Variants in SLC26A8 observed in about 807,000 individuals in gnomAD.
The protein encoded by SLC26A8 is solute carrier family 26 member 8.
A neutral mutation model predicts 105.0 loss-of-function variants in SLC26A8; 70 were observed. The ratio of observed to expected loss-of-function variants is 0.67; its 90% CI spans 0.55 to 0.81. The LOEUF is 0.81. Among genes scored for constraint, SLC26A8 ranks in the 40% least tolerant of loss-of-function variants. SLC26A8 has a pLI of 0.00. For synonymous variants in SLC26A8, 415 were observed against 438.3 expected (o/e 0.95, Z 0.66); for missense variants, 998 against 1,181.8 (o/e 0.84, Z 2.28).
At chr6:36,007,686 T>G (rs1761728116) in intron 3 of SLC26A8, among the ~76,000 whole-genome samples, 2 of 152,164 alleles carry the variant, frequency 1.3e-5, no homozygotes, top group South Asian at 4.1e-4. Flanking sequence ...TAAAACTCAC[T>G]GTCAAGATAT....
At chr6:36,008,116 T>C (rs910235801) in intron 3 of SLC26A8, among the ~76,000 whole-genome samples, 6 of 109,330 alleles carry the variant, frequency 5.5e-5, no homozygotes, top group Admixed American at 4.3e-4. Flanking sequence ...CGAGACTCCG[T>C]CTCAAAAAAA....
At chr6:35,951,534 T>A (rs759730075) in intron 17 of SLC26A8, 35 bp from the exon 18 acceptor site, 1 of 1,611,752 alleles carries the variant, frequency 6.2e-7, no homozygotes, top group South Asian at 1.1e-5. Context: ...TCAGAAGGCT[T>A]TATACTTGCT....
At chr6:35,954,239 C>G (rs1281585888) in intron 17 of SLC26A8, among the ~76,000 whole-genome samples, 1 of 152,064 alleles carries the variant, frequency 6.6e-6, no homozygotes, top group Admixed American at 6.6e-5. Flanking sequence ...AAGTCAGGAC[C>G]CGGGGACACA....
At chr6:36,015,818 T>C (rs1215713595) in intron 2 of SLC26A8, among the ~76,000 whole-genome samples, 1 of 92,802 alleles carries the variant, frequency 1.1e-5, no homozygotes, top group Non-Finnish European at 2.2e-5. Context: ...GAGGACAGTC[T>C]GGAGCAGGGC....
chr6:35,955,393 G>C lies in SLC26A8; in HGVS notation c.1991C>G (p.Thr664Arg), dbSNP rs764162395. ...QTASEDQVPY[T>R]VSSVSQKNQG... is the part of the protein sequence containing the mutation. The stretch of plus-strand genomic sequence containing the variant: ...ATTTTTCTGAGACACGGACGATACT[G>C]TGTATGGCACTTGGTCTTCGGATGC... The change falls in exon 17 of 20, where the codon ACA (threonine) becomes AGA (arginine). Residue 664 changes from threonine (T) to arginine (R), a missense_variant. Transcript: ENST00000490799. 26 of 1,614,206 alleles carry C rather than the reference G, an allele frequency of 1.6e-5. No individual in the cohort carries two copies. In the South Asian group the frequency reaches 2.7e-4, roughly 17 times the overall value.
At chr6:36,005,838 G>C (rs1425877079) in intron 3 of SLC26A8, among the ~76,000 whole-genome samples, 1 of 152,130 alleles carries the variant, frequency 6.6e-6, no homozygotes, top group Non-Finnish European at 1.5e-5. Context: ...AATTATTACT[G>C]TAGTGTTTTC....
rs769391939 is a variant in SLC26A8, at chr6:36,019,586, CT to C, written c.121del (p.Arg41GlyfsTer9). The C allele has an allele frequency of 6.2e-7, 1 of 1,614,126 alleles. No individual in the cohort carries two copies. Among genetic ancestry groups the C allele is most frequent in the South Asian group, 1.1e-5 (1 of 91,078 alleles). Reference sequence around the variant, plus strand: ...CATGTTCCCAGAAGAGGAGGCCTTCCTTTTGTGTTCCTGTTGAAAGGTCTCC... The same window carrying C: ...CATGTTCCCAGAAGAGGAGGCCTTCCTTTGTGTTCCTGTTGAAAGGTCTCC... ...NEETFQQEHK[R>X]KASSSGNMNI... On this transcript the variant is annotated frameshift_variant, in exon 2 of 20. Coordinates refer to ENST00000490799, the MANE Select transcript of SLC26A8 (RefSeq NM_052961.4). LOFTEE classifies it high-confidence loss of function.
intron 17 of SLC26A8, among the ~76,000 whole-genome samples, chr6:35,952,269 C>T (rs991565101): frequency 6.6e-6 from 1 of 152,140 alleles, no homozygotes; most frequent in Non-Finnish European, 1.5e-5. Context: ...AGATGTGGCT[C>T]AGAGACGCTC....
intron 2 of SLC26A8, 150 bp from the exon 3 acceptor site, chr6:36,012,522 G>T: frequency 1.2e-6 from 1 of 863,774 alleles, no homozygotes; most frequent in Non-Finnish European, 1.7e-6. Context: ...ATAATTCTTT[G>T]TTGTTGGGCT....
chr6:36,004,690 C>T (rs1194957640), intron 3 of SLC26A8, among the ~76,000 whole-genome samples: 3 of 150,706 alleles, frequency 2.0e-5, no homozygotes, highest in African/African-American at 7.4e-5. Flanking sequence ...GACTGTCTTG[C>T]TCTGTCACCC....
chr6:35,951,451 AC>A lies in SLC26A8; in HGVS notation c.2280del (p.Cys761ValfsTer5). ...TAGGGTGAAGGATACTCACAGTGAC[AC>A]CCTGCAATGAGTATCAAAATGTTGG... ...QNANILILIA[G>X]CHSSIVRAFE... is the part of the protein sequence containing the mutation. On this transcript the variant is annotated frameshift_variant, in exon 18 of 20. Transcript: ENST00000490799. LOFTEE classifies it high-confidence loss of function. The A allele has an allele frequency of 6.2e-7, 1 of 1,614,086 alleles. No homozygotes were observed. The highest frequency in any genetic ancestry group is 8.5e-7 in the Non-Finnish European group (1 of 1,180,012).
intron 3 of SLC26A8, among the ~76,000 whole-genome samples, chr6:36,003,815 C>T (rs1761599512): frequency 6.6e-6 from 1 of 151,982 alleles, no homozygotes; most frequent in Admixed American, 6.6e-5. Flanking sequence ...GTGCCTGCCA[C>T]CACGCCCAGC....
At position 35,997,901 on chromosome 6, in the gene SLC26A8, C is replaced by T. The variant is rs1200049033; in HGVS notation, c.464G>A (p.Ser155Asn). Residue 155 changes from serine (S) to asparagine (N), a missense_variant, in exon 5 of 20, where the codon AGT (serine) becomes AAT (asparagine). Physicochemically the swap from Ser to Asn is conservative, Grantham distance 46 (BLOSUM62 1). Transcript: ENST00000490799. Reference protein sequence around the residue: ...QMSIGSFFLVSALLINVLKVS... With the variant: ...QMSIGSFFLVNALLINVLKVS... ...TTTCAGAACGTTGATCAGCAGAGCA[C>T]TCACCAGGAAGAAGGAACCTGTGGA... 1 of 1,613,886 alleles carries T rather than the reference C, an allele frequency of 6.2e-7. No homozygotes were observed. The highest frequency in any genetic ancestry group is 8.5e-7 in the Non-Finnish European group (1 of 1,179,982).
intron 3 of SLC26A8, among the ~76,000 whole-genome samples, chr6:36,001,104 A>G (rs1761506562): frequency 6.6e-6 from 1 of 152,040 alleles, no homozygotes; most frequent in Admixed American, 6.5e-5. Flanking sequence ...GGTCTCTAAT[A>G]TGATCCACAA....
chr6:35,991,644 A>G lies in SLC26A8; in HGVS notation c.942+15T>C, dbSNP rs763349280. On this transcript the variant is annotated intron_variant, in intron 7 of 19. Transcript: ENST00000490799. The stretch of plus-strand genomic sequence containing the variant: ...ATTATGCAAACTATGAATTTGAGAC[A>G]TCAAAAACACCTACCAGAAATAATT... The G allele has an allele frequency of 6.5e-7, 1 of 1,528,078 alleles. No individual in the cohort carries two copies. The highest frequency in any genetic ancestry group is 2.4e-5 in the East Asian group (1 of 42,220). 94.7% of individuals were successfully genotyped at this position (1,528,078 alleles called of 1,614,324 possible).
chr6:35,974,471 G>A (rs1772919316), intron 10 of SLC26A8, among the ~76,000 whole-genome samples: 2 of 152,150 alleles, frequency 1.3e-5, no homozygotes, highest in Non-Finnish European at 2.9e-5. Context: ...TACTGACTCA[G>A]AATACCTGCA....
chr6:35,948,803 G>A (rs998013224), intron 19 of SLC26A8, among the ~76,000 whole-genome samples: 2 of 152,170 alleles, frequency 1.3e-5, no homozygotes, highest in Admixed American at 6.5e-5. Context: ...ACATTGTGGT[G>A]GTATTAAGAG....
rs551643002 is a variant in SLC26A8, at chr6:35,948,796, T to C, written c.2472+2367A>G. ...GAGTGGCTTCCAAAATCCATCCACA[T>C]TGTGGTGGTATTAAGAGGTGAGGCC... On this transcript the variant is annotated intron_variant, in intron 19 of 19. Coordinates refer to ENST00000490799, the MANE Select transcript of SLC26A8 (RefSeq NM_052961.4). Among the ~76,000 whole-genome samples, 6 of 152,250 alleles carry C rather than the reference T, an allele frequency of 3.9e-5. No homozygotes were observed. The South Asian group carries it at 1.2e-3, about 32-fold the overall frequency.
intron 11 of SLC26A8, among the ~76,000 whole-genome samples, chr6:35,963,173 G>A (rs137932243): frequency 3.9e-5 from 6 of 152,170 alleles, no homozygotes; most frequent in Admixed American, 2.0e-4. Context: ...AGCAGGCCCC[G>A]GAGACAAAAA....
Sources: allele counts gnomAD v4.1 joint callset (sites outside exome capture counted in the v4.1 genomes callset), GRCh38; gene constraint gnomAD v4.1.1; transcripts MANE v1.5; gene names NCBI Gene and HGNC (gene_info 2026-07-23, HGNC 2026-07-21).